The following EVA1C variants were observed in gnomAD, a reference collection of about 807,000 sequenced individuals.
The protein encoded by EVA1C is eva-1 homolog C.
EVA1C carries 25 observed loss-of-function variants against 45.4 expected under a neutral mutation model. That is an observed-to-expected ratio of 0.55 (90% CI 0.40 to 0.77). EVA1C has a LOEUF of 0.77. EVA1C is among the 30% of genes least tolerant of loss of function. The pLI is 0.00. For synonymous variants in EVA1C, 190 were observed against 221.2 expected (o/e 0.86, Z 1.25); for missense variants, 479 against 554.8 (o/e 0.86, Z 1.37).
At chr21:32,427,437 G>T (rs1044241899) in intron 1 of EVA1C, among the ~76,000 whole-genome samples, 1 of 150,760 alleles carries the variant, frequency 6.6e-6, no homozygotes, top group African/African-American at 2.4e-5. Flanking sequence ...GGCAGAGGCC[G>T]GGCGTGGTGG....
At chr21:32,446,970 T>A (rs770754097) in intron 1 of EVA1C, among the ~76,000 whole-genome samples, 1 of 152,200 alleles carries the variant, frequency 6.6e-6, no homozygotes, top group Non-Finnish European at 1.5e-5. Flanking sequence ...GGAACTCTGG[T>A]CCCTTGCGCC....
At chr21:32,427,894 T>C (rs2146142503) in intron 1 of EVA1C, among the ~76,000 whole-genome samples, 1 of 151,702 alleles carries the variant, frequency 6.6e-6, no homozygotes, top group East Asian at 1.9e-4. Flanking sequence ...CAGGAAAAAC[T>C]TGTTTTTGAA....
At chr21:32,465,168 T>C (rs1025750593) in intron 3 of EVA1C, among the ~76,000 whole-genome samples, 2 of 152,238 alleles carry the variant, frequency 1.3e-5, no homozygotes, top group Non-Finnish European at 2.9e-5. Context: ...AAATTGCTGG[T>C]TACAACTCAC....
intron 4 of EVA1C, among the ~76,000 whole-genome samples, chr21:32,480,377 T>C (rs551900633): frequency 7.3e-5 from 11 of 151,314 alleles, no homozygotes; most frequent in Non-Finnish European, 1.5e-4. Context: ...ATATTGCTTA[T>C]TTAAAATGTT....
Position 32,412,936 on chromosome 21 carries a change from C to A in EVA1C, c.83C>A (p.Pro28Gln). ...GGCCTCCGCCGGCAGGTAGAGCCGC[C>A]GGGGCAGCTCCTGCGCCTCTTCTAC... is the stretch of plus-strand genomic sequence containing the variant. Reference protein sequence around the residue: ...HPGLRRQVEPPGQLLRLFYCT... With the variant: ...HPGLRRQVEPQGQLLRLFYCT... Residue 28 changes from proline to glutamine, a missense_variant, in exon 1 of 8, where the codon CCG becomes CAG. By Grantham distance (76) the Pro-to-Gln change is moderately conservative (BLOSUM62 -1). Around this residue, in one of 3 missense-constraint regions of EVA1C, gnomAD observed 80 missense variants for 63.8 expected, o/e 1.25. Coordinates refer to ENST00000300255, the MANE Select transcript of EVA1C (RefSeq NM_058187.5). The A allele has an allele frequency of 6.5e-7, 1 of 1,539,262 alleles. No homozygotes were observed. Among genetic ancestry groups the A allele is most frequent in the Non-Finnish European group, 8.7e-7 (1 of 1,145,180 alleles).
chr21:32,500,955 A>G (rs900731096), intron 5 of EVA1C, among the ~76,000 whole-genome samples: 4 of 152,074 alleles, frequency 2.6e-5, no homozygotes, highest in Non-Finnish European at 4.4e-5. Context: ...CTGGGATTAC[A>G]GCTGTGTGCC....
chr21:32,429,537 A>C (rs2034617857), intron 1 of EVA1C, among the ~76,000 whole-genome samples: 1 of 150,548 alleles, frequency 6.6e-6, no homozygotes, highest in African/African-American at 2.5e-5. Flanking sequence ...TATTTTTAGT[A>C]GAGACAGGGT....
At position 32,463,143 on chromosome 21, in the gene EVA1C, C is replaced by T. The variant is rs143654184; in HGVS notation, c.482-4553C>T. On this transcript the variant is annotated intron_variant, in intron 3 of 7. Coordinates refer to ENST00000300255, the MANE Select transcript of EVA1C (RefSeq NM_058187.5). ...TTGTAGGTTGGTGCAAAAATAATCG[C>T]GGTTTTTGCCCATTGCTTTTAATGG... 9.7e-3 allele frequency among the ~76,000 whole-genome samples: 1,473 copies of T among 152,290 alleles called. 27 individuals are homozygous for T. Among genetic ancestry groups the T allele is most frequent in the African/African-American group, 0.034 (1,408 of 41,562 alleles).
At chr21:32,485,340 T>C (rs1180062259) in intron 4 of EVA1C, among the ~76,000 whole-genome samples, 1 of 152,156 alleles carries the variant, frequency 6.6e-6, no homozygotes, top group Non-Finnish European at 1.5e-5. Context: ...GCTAATTTTT[T>C]GTATTTTTAG....
intron 7 of EVA1C, among the ~76,000 whole-genome samples, chr21:32,512,057 T>G (rs1396479686): frequency 6.6e-6 from 1 of 151,906 alleles, no homozygotes; most frequent in African/African-American, 2.4e-5. Flanking sequence ...TAAATAAAAT[T>G]TTAGGAATAC....
Position 32,501,402 on chromosome 21 carries a change from T to G in EVA1C, c.779-13T>G. On this transcript the variant is annotated splice_polypyrimidine_tract_variant and intron_variant, in intron 5 of 7. Coordinates refer to ENST00000300255, the MANE Select transcript of EVA1C (RefSeq NM_058187.5). ...ATACCACGAATTTAAAATATTTCTT[T>G]TTTGGCTTTTAGTTCCCAAGAACAT... The G allele has an allele frequency of 6.3e-7, 1 of 1,583,056 alleles. No individual in the cohort carries two copies. The highest frequency in any genetic ancestry group is 8.5e-7 in the Non-Finnish European group (1 of 1,174,842).
chr21:32,494,339 A>G (rs1030949800), intron 4 of EVA1C, among the ~76,000 whole-genome samples: 2 of 152,244 alleles, frequency 1.3e-5, no homozygotes, highest in African/African-American at 4.8e-5. Flanking sequence ...GCTTATGTTC[A>G]TGTAGAGGAG....
At chr21:32,428,263 T>C (rs1435071264) in intron 1 of EVA1C, 1 of 152,186 alleles carries the variant, frequency 6.6e-6, no homozygotes, top group Non-Finnish European at 1.5e-5. Flanking sequence ...CTTCCTGGTT[T>C]CCAGAAAGTT....
chr21:32,451,069 C>T (rs755824914), intron 1 of EVA1C, among the ~76,000 whole-genome samples: 44 of 152,144 alleles, frequency 2.9e-4, no homozygotes, highest in Non-Finnish European at 5.4e-4. Context: ...GGCTGGTGGG[C>T]GTGAGGACCC....
At chr21:32,453,227 G>A (rs2035650036) in intron 1 of EVA1C, 85 bp from the exon 2 acceptor site, 2 of 983,726 alleles carry the variant, frequency 2.0e-6, no homozygotes, top group African/African-American at 3.2e-5. Context: ...CCCTTCCCCA[G>A]GGGAACCAAC....
intron 4 of EVA1C, among the ~76,000 whole-genome samples, chr21:32,471,654 A>C (rs1165086480): frequency 2.2e-5 from 3 of 139,146 alleles, no homozygotes; most frequent in Non-Finnish European, 3.1e-5. Flanking sequence ...TTTTAGACGG[A>C]GTCTTGCTCT....
chr21:32,503,095 G>A (rs1287548363), intron 6 of EVA1C, among the ~76,000 whole-genome samples: 1 of 152,226 alleles, frequency 6.6e-6, no homozygotes, highest in Non-Finnish European at 1.5e-5. Flanking sequence ...TCACAGACTT[G>A]CTAAGCTCCA....
At chr21:32,472,642 G>GA (rs376382557) in intron 4 of EVA1C, among the ~76,000 whole-genome samples, 116 of 140,284 alleles carry the variant, frequency 8.3e-4, no homozygotes, top group African/African-American at 2.0e-3. Flanking sequence ...TCTCTTAAAA[G>GA]AAAAAAAAAA....
intron 7 of EVA1C, among the ~76,000 whole-genome samples, chr21:32,507,725 T>C (rs893486875): frequency 4.0e-5 from 6 of 151,402 alleles, no homozygotes; most frequent in East Asian, 2.0e-4. Context: ...TGCATGTGTG[T>C]GCATACGTGT....
Sources: gnomAD v4.1 joint callset for allele counts (sites outside exome capture counted in the v4.1 genomes callset) on GRCh38, gnomAD v4.1.1 for gene constraint, gnomAD v4.1.1 regional missense constraint, MANE v1.5 for transcripts, NCBI Gene and HGNC (gene_info 2026-07-23, HGNC 2026-07-21) for gene names.